EIF5: variants seen among roughly 807,000 people sequenced by gnomAD.
EIF5 encodes eukaryotic translation initiation factor 5.
Under a neutral mutation model 48.3 loss-of-function variants are expected in EIF5, and 10 were observed. The observed-to-expected ratio is 0.21, with a 90% CI of 0.13 to 0.35. The LOEUF (loss-of-function observed/expected upper bound fraction) is 0.35, where lower values mean the gene tolerates loss of function less well. EIF5 is among the 10% of genes least tolerant of loss of function. The pLI is 1.00. For missense variants in EIF5, 397 were observed against 533.2 expected, an observed-to-expected ratio of 0.74 and a Z score of 2.51; for synonymous variants, 237 against 173.1, an observed-to-expected ratio of 1.37 and a Z score of -2.90.
At chr14:103,336,872 A>G in intron 5 of EIF5, 23 bp downstream of exon 5, 2 of 1,601,714 alleles carry the variant, frequency 1.2e-6, no homozygotes, top group African/African-American at 1.3e-5. Flanking sequence ...GTGGTTGTCG[A>G]AAGAAAAAGC....
Position 103,341,081 on chromosome 14 carries a change from A to C in EIF5, c.*29A>C. On this transcript the variant is annotated 3_prime_UTR_variant, in exon 12 of 12. Coordinates refer to ENST00000216554, the MANE Select transcript of EIF5 (RefSeq NM_001969.5). Reference sequence around the variant, plus strand: ...GATGGATGCAACCTAGCTTAACAGTATAATGCTGCAAATTTTCCTCCATTA... The same window carrying C: ...GATGGATGCAACCTAGCTTAACAGTCTAATGCTGCAAATTTTCCTCCATTA... 1 of 1,605,384 alleles carries C rather than the reference A, an allele frequency of 6.2e-7. No homozygotes were observed. Among genetic ancestry groups the C allele is most frequent in the Non-Finnish European group, 8.5e-7 (1 of 1,172,608 alleles).
In EIF5 at chr14:103,339,573, G is replaced by A; in HGVS notation, c.907-66G>A. On this transcript the variant is annotated intron_variant, in intron 9 of 11. Coordinates refer to ENST00000216554, the MANE Select transcript of EIF5 (RefSeq NM_001969.5). ...CATGCACTTGCAGACACTCTTATTT[G>A]GGTAATAGAGTTGTCAACTTAGAAC... The A allele has an allele frequency of 3.1e-6, 5 of 1,602,594 alleles. No individual in the cohort carries two copies. Among genetic ancestry groups the A allele is most frequent in the Non-Finnish European group, 3.4e-6 (4 of 1,171,782 alleles).
In EIF5 at chr14:103,338,970, G is replaced by A. The variant is rs949531711; in HGVS notation, c.744+77G>A. 10 of 1,543,020 alleles carry A rather than the reference G, an allele frequency of 6.5e-6. No homozygotes were observed. In the Admixed American group the frequency reaches 2.1e-4, roughly 32 times the overall value. ...CCTTTAGATATATGATACTTTAGCA[G>A]TGTAATTAGGATTACTCTAATGCAC... On this transcript the variant is annotated intron_variant, in intron 8 of 11. Coordinates refer to ENST00000216554, the MANE Select transcript of EIF5 (RefSeq NM_001969.5).
Position 103,337,205 on chromosome 14 carries a change from A to C in EIF5, c.417A>C (p.Thr139=). ...GMLDTHHKLC[T]FILKNPPENS... ...TTGACACACATCATAAACTCTGCACATTCATTCTCAAAAACCCACCTGGTG... is the reference window on the plus strand; with the variant it reads ...TTGACACACATCATAAACTCTGCACCTTCATTCTCAAAAACCCACCTGGTG... Residue 139 remains threonine (T), a synonymous_variant, in exon 6 of 12, where the codon ACA becomes ACC. Transcript: ENST00000216554. 2 of 1,612,682 alleles carry C rather than the reference A, an allele frequency of 1.2e-6. No individual in the cohort carries two copies. Among genetic ancestry groups the C allele is most frequent in the Admixed American group, 1.7e-5 (1 of 59,556 alleles).
intron 5 of EIF5, 35 bp downstream of exon 5, chr14:103,336,884 A>G: frequency 6.3e-7 from 1 of 1,588,578 alleles, no homozygotes; most frequent in Non-Finnish European, 8.6e-7. Flanking sequence ...AGAAAAAGCC[A>G]TATACCTGCT....
intron 8 of EIF5, 116 bp from the exon 9 acceptor site, chr14:103,339,056 T>TCACAA (rs1038450156): frequency 2.0e-5 from 29 of 1,482,618 alleles, no homozygotes; most frequent in Non-Finnish European, 2.5e-5. Flanking sequence ...GCACTATGTG[T>TCACAA]CACAACTGCC....
chr14:103,336,206 T>G lies in EIF5; in HGVS notation c.154+89T>G. The G allele has an allele frequency of 2.3e-6, 3 of 1,279,804 alleles. No homozygotes were observed. The Admixed American group carries it at 6.9e-5, about 29-fold the overall frequency. 79.3% of individuals were successfully genotyped at this position (1,279,804 alleles called of 1,614,324 possible). On this transcript the variant is annotated intron_variant, in intron 4 of 11. Coordinates refer to ENST00000216554, the MANE Select transcript of EIF5 (RefSeq NM_001969.5). ...TGCAAAACTTGTTCTAATTGTATGCTAGCTAATTACCTTACAAGTTAAGTG... is the reference window on the plus strand; with the variant it reads ...TGCAAAACTTGTTCTAATTGTATGCGAGCTAATTACCTTACAAGTTAAGTG...
chr14:103,334,961 A>G (rs2089266187), intron 2 of EIF5: 1 of 151,972 alleles, frequency 6.6e-6, no homozygotes. Flanking sequence ...GGATGGGGCC[A>G]GACGCCCCGG....
intron 10 of EIF5, 39 bp downstream of exon 10, chr14:103,339,842 T>G (rs2089332263): frequency 1.1e-4 from 171 of 1,582,666 alleles, no homozygotes; most frequent in Non-Finnish European, 1.3e-4. Flanking sequence ...GTTCACAGGT[T>G]TTGGGGGGTT....
rs1006450139 is a variant in EIF5 at position 103,342,139 on chromosome 14, T to C, written c.*1087T>C. On this transcript the variant is annotated 3_prime_UTR_variant, in exon 12 of 12. Transcript: ENST00000216554. The stretch of plus-strand genomic sequence containing the variant: ...TTTCAAACTTGATTTTCTTTCCTTT[T>C]TCTTTTTTTTTTCTTCCAGAATGTC... 2.6e-5 allele frequency: 4 copies of C among 152,636 alleles called. No homozygotes were observed. Among genetic ancestry groups the C allele is most frequent in the Admixed American group, 6.5e-5 (1 of 15,286 alleles). The allele number at this position is 152,636 out of a possible 1,614,324, so 9.5% of individuals were successfully genotyped here.
In EIF5 at chr14:103,336,716, C is replaced by T. The variant is rs1458141501; in HGVS notation, c.194C>T (p.Thr65Ile). Residue 65 changes from threonine (T) to isoleucine (I), a missense_variant, in exon 5 of 12, where the codon ACC (threonine) becomes ATC (isoleucine). Physicochemically the swap from Thr to Ile is moderately conservative, Grantham distance 89 (BLOSUM62 -1). Coordinates refer to ENST00000216554, the MANE Select transcript of EIF5 (RefSeq NM_001969.5). ...KYFGCELGAQ[T>I]QFDVKNDRYI... ...TTTGGTTGTGAGCTGGGAGCACAGA[C>T]CCAGTTTGATGTTAAGAATGACCGT... 6.2e-7 allele frequency: 1 copy of T among 1,613,340 alleles called. No homozygotes were observed. The highest frequency in any genetic ancestry group is 8.5e-7 in the Non-Finnish European group (1 of 1,179,856).
chr14:103,342,151 T>C lies in EIF5; in HGVS notation c.*1099T>C, dbSNP rs2089361022. The C allele has an allele frequency of 6.6e-6, 1 of 152,610 alleles. No homozygotes were observed. The highest frequency in any genetic ancestry group is 2.4e-5 in the African/African-American group (1 of 41,442). The allele number at this position is 152,610 out of a possible 1,614,324, so 9.5% of individuals were successfully genotyped here. A position where few individuals can be genotyped will look rare whatever the true frequency, so the allele number is the denominator to read the frequency against. On this transcript the variant is annotated 3_prime_UTR_variant, in exon 12 of 12. Coordinates refer to ENST00000216554, the MANE Select transcript of EIF5 (RefSeq NM_001969.5). ...TTTTCTTTCCTTTTTCTTTTTTTTT[T>C]CTTCCAGAATGTCTTATTTAAAAAG...
chr14:103,334,972 T>C (rs2140357447), intron 2 of EIF5: 1 of 152,124 alleles, frequency 6.6e-6, no homozygotes, highest in African/African-American at 2.4e-5. Context: ...GACGCCCCGG[T>C]CGCGCGCCCC....
rs1405975503 is a variant in EIF5, at chr14:103,339,716, G to C, written c.984G>C (p.Gln328His). 3.7e-6 allele frequency: 6 copies of C among 1,614,210 alleles called. No homozygotes were observed. The South Asian group carries it at 5.5e-5, about 15-fold the overall frequency. ...LECVVAMHQA[Q>H]LISKIPHILK... Reference sequence around the variant, plus strand: ...GTGTGGTAGCAATGCATCAAGCTCAGCTTATCTCCAAGATTCCACATATCT... The same window carrying C: ...GTGTGGTAGCAATGCATCAAGCTCACCTTATCTCCAAGATTCCACATATCT... The change falls in exon 10 of 12, where the codon CAG becomes CAC. Residue 328 changes from glutamine to histidine, a missense_variant. Coordinates refer to ENST00000216554, the MANE Select transcript of EIF5 (RefSeq NM_001969.5).
rs1484198312 is a variant in EIF5 at position 103,341,029 on chromosome 14, G to A, written c.1273G>A (p.Asp425Asn). The A allele has an allele frequency of 1.9e-6, 3 of 1,613,960 alleles. No homozygotes were observed. The highest frequency in any genetic ancestry group is 1.7e-5 in the Admixed American group (1 of 60,010). ...TGTAAAGTCAGACAACAAGGATGAC[G>A]ACATCGATATTGATGCCATTTAAAG... The part of the protein sequence containing the change: ...ETVKSDNKDD[D>N]IDIDAI The change falls in exon 12 of 12, where the codon GAC (aspartate) becomes AAC (asparagine). Residue 425 changes from aspartate (D) to asparagine (N), a missense_variant. Physicochemically the swap from Asp to Asn is conservative, Grantham distance 23. This residue lies in a region of EIF5 where 160 missense variants were observed against 184.8 expected (regional missense o/e 0.87). Transcript: ENST00000216554.
chr14:103,344,820 GAATA>G lies in EIF5; in HGVS notation c.*3772_*3775del, dbSNP rs1156897932. 1.3e-5 allele frequency: 2 copies of G among 152,132 alleles called. No individual in the cohort carries two copies. The highest frequency in any genetic ancestry group is 2.1e-4 in the South Asian group (1 of 4,824). 9.4% of individuals were successfully genotyped at this position (152,132 alleles called of 1,614,324 possible). A position where few individuals can be genotyped will look rare whatever the true frequency, so the allele number is the denominator to read the frequency against. ...TTAAAAATCCAAATGAAAGTAAATG[GAATA>G]AATGTATCAGGTAAAGGACAAGTTG... On this transcript the variant is annotated 3_prime_UTR_variant, in exon 12 of 12. Coordinates refer to ENST00000216554, the MANE Select transcript of EIF5 (RefSeq NM_001969.5).
chr14:103,337,140 A>G lies in EIF5; in HGVS notation c.352A>G (p.Ile118Val), dbSNP rs959050430. The G allele has an allele frequency of 1.2e-6, 2 of 1,611,868 alleles. No homozygotes were observed. Among genetic ancestry groups the G allele is most frequent in the Admixed American group, 1.7e-5 (1 of 59,494 alleles). The change falls in exon 6 of 12, where the codon ATA (isoleucine) becomes GTA (valine). Residue 118 changes from isoleucine to valine, a missense_variant. By Grantham distance (29) the Ile-to-Val change is conservative. Coordinates refer to ENST00000216554, the MANE Select transcript of EIF5 (RefSeq NM_001969.5). ...GCATGTCAATCCAAAGAAGCAAACA[A>G]TAGGTAATTCTTGTAAAGCCTGTGG... is the stretch of plus-strand genomic sequence containing the variant. Reference protein sequence around the residue: ...DLHVNPKKQTIGNSCKACGYR... With the variant: ...DLHVNPKKQTVGNSCKACGYR...
chr14:103,338,658 A>G (rs918033943), intron 7 of EIF5, 77 bp from the exon 8 acceptor site: 21 of 1,562,162 alleles, frequency 1.3e-5, no homozygotes, highest in Admixed American at 9.7e-5. Context: ...ACTTGATGCC[A>G]TTAACTTGGC....
At chr14:103,337,648 T>G (rs998320017) in intron 6 of EIF5, 28 of 332,566 alleles carry the variant, frequency 8.4e-5, no homozygotes, top group Non-Finnish European at 1.4e-4. Context: ...TTTTATCAAA[T>G]CTAAGACATC....
Sources: gnomAD v4.1 joint callset for allele counts on GRCh38, gnomAD v4.1.1 for gene constraint, gnomAD v4.1.1 regional missense constraint, MANE v1.5 for transcripts, NCBI Gene and HGNC (gene_info 2026-07-23, HGNC 2026-07-21) for gene names.